The following BANP variants were observed in gnomAD, a reference collection of about 807,000 sequenced individuals.
The protein encoded by BANP is protein BANP.
BANP carries 11 observed loss-of-function variants against 68.1 expected under a neutral mutation model. That is an observed-to-expected ratio of 0.16 (90% CI 0.10 to 0.27). The LOEUF (loss-of-function observed/expected upper bound fraction) is 0.27. BANP is among the 10% of genes least tolerant of loss of function. BANP has a pLI of 1.00. For synonymous variants in BANP, 329 were observed against 303.2 expected (o/e 1.09, Z -0.88); for missense variants, 504 against 722.7 (o/e 0.70, Z 3.47).
At chr16:88,031,083 T>C (rs560631451) in intron 8 of BANP, among the ~76,000 whole-genome samples, 2 of 152,350 alleles carry the variant, frequency 1.3e-5, no homozygotes, top group East Asian at 3.9e-4. Context: ...GCACAAGGCT[T>C]GCTCGAGGAC....
In BANP at chr16:88,064,123, CCAGGGT is replaced by C. The variant is rs879699140; in HGVS notation, c.1312-1138_1312-1133del. 2.0e-5 allele frequency among the ~76,000 whole-genome samples: 3 copies of C among 151,454 alleles called. No homozygotes were observed. Among genetic ancestry groups the C allele is most frequent in the African/African-American group, 7.3e-5 (3 of 41,124 alleles). On this transcript the variant is annotated intron_variant, in intron 11 of 13. Coordinates refer to ENST00000682872, the MANE Select transcript of BANP (RefSeq NM_001386991.1). This position sits in a 1 kb window ranked among gnomAD's most constrained non-coding sequence, Gnocchi z 4.5. ...ACAAGCAGGCACCGGCGCTGGGGGACCAGGGTCAGGGGGCTCTCTTCAGAGACGGCA... is the reference window on the plus strand; with the variant it reads ...ACAAGCAGGCACCGGCGCTGGGGGACCAGGGGGCTCTCTTCAGAGACGGCA...
chr16:88,049,273 G>A (rs112285080), intron 11 of BANP, among the ~76,000 whole-genome samples: 3 of 152,006 alleles, frequency 2.0e-5, no homozygotes, highest in Non-Finnish European at 4.4e-5. Flanking sequence ...GGAGTGGCTT[G>A]CAGAGCTCAG....
intron 7 of BANP, among the ~76,000 whole-genome samples, chr16:88,021,100 G>A (rs1040292922): frequency 3.2e-4 from 49 of 152,326 alleles, no homozygotes; most frequent in African/African-American, 1.2e-3. Context: ...TCTGGAGGCC[G>A]GAGAGGGGAG....
chr16:87,990,523 GT>G (rs768586961), intron 4 of BANP, among the ~76,000 whole-genome samples: 1 of 152,214 alleles, frequency 6.6e-6, no homozygotes, highest in Non-Finnish European at 1.5e-5. Context: ...AGTTTTTTCA[GT>G]TTTGGGTCAT....
chr16:88,055,433 G>C (rs77158619), intron 11 of BANP, among the ~76,000 whole-genome samples: 3,394 of 152,302 alleles, frequency 0.022, 127 homozygotes, highest in African/African-American at 0.078. Flanking sequence ...CTGACGGCAG[G>C]CTTGGTGACC....
chr16:87,978,830 C>T lies in BANP; in HGVS notation c.71-2206C>T, dbSNP rs934289028. ...TCCCAGGCACAGCTGAGACCAGCTGCCCCCATCACACAGCAAGCGTCAGGT... is the reference window on the plus strand; with the variant it reads ...TCCCAGGCACAGCTGAGACCAGCTGTCCCCATCACACAGCAAGCGTCAGGT... On this transcript the variant is annotated intron_variant, in intron 2 of 13. Transcript: ENST00000682872. 5 of 330,798 alleles carry T rather than the reference C, an allele frequency of 1.5e-5. 1 individual carries two copies. The highest frequency in any genetic ancestry group is 2.4e-5 in the Non-Finnish European group (4 of 164,980). 20.5% of individuals were successfully genotyped at this position (330,798 alleles called of 1,614,324 possible). A position where few individuals can be genotyped will look rare whatever the true frequency, so the allele number is the denominator to read the frequency against.
chr16:87,961,564 G>T (rs1450732865), intron 1 of BANP, among the ~76,000 whole-genome samples: 1 of 152,144 alleles, frequency 6.6e-6, no homozygotes, highest in Non-Finnish European at 1.5e-5. Flanking sequence ...AATTAAGCCG[G>T]GCATTAGAAA....
intron 1 of BANP, among the ~76,000 whole-genome samples, chr16:87,959,048 C>T (rs1370231241): frequency 6.6e-6 from 1 of 152,226 alleles, no homozygotes; most frequent in African/African-American, 2.4e-5. Context: ...CCGTGCATGC[C>T]CACAGGGGTG....
At chr16:88,058,919 C>T (rs2085896032) in intron 11 of BANP, among the ~76,000 whole-genome samples, 2 of 152,212 alleles carry the variant, frequency 1.3e-5, no homozygotes, top group African/African-American at 4.8e-5. Context: ...AAAGTGGCCC[C>T]TGCCGGCTTT....
chr16:88,011,170 T>A (rs1454542417), intron 6 of BANP, among the ~76,000 whole-genome samples: 1 of 152,128 alleles, frequency 6.6e-6, no homozygotes, highest in African/African-American at 2.4e-5. Flanking sequence ...TCTCAGCGGC[T>A]TGCGTTGAGT....
In BANP at chr16:88,050,834, C is replaced by T. The variant is rs371046408; in HGVS notation, c.1311+12823C>T. On this transcript the variant is annotated intron_variant, in intron 11 of 13. Coordinates refer to ENST00000682872, the MANE Select transcript of BANP (RefSeq NM_001386991.1). ...TCCCGAGTAGCTGGGACTACAGGTG[C>T]GCACCACCACGACCTGCTAATTTTT... is the stretch of plus-strand genomic sequence containing the variant. Among the ~76,000 whole-genome samples the T allele has an allele frequency of 1.9e-4, 29 of 151,984 alleles. No individual in the cohort carries two copies. In the South Asian group the frequency reaches 4.8e-3, roughly 25 times the overall value.
Position 88,018,577 on chromosome 16 carries a change from C to T in BANP, c.805C>T (p.His269Tyr), listed in dbSNP as rs763583749. The change falls in exon 7 of 14, where the codon CAC becomes TAC. Residue 269 changes from histidine to tyrosine, a missense_variant. Physicochemically the swap from His to Tyr is moderately conservative, Grantham distance 83 (BLOSUM62 2). Transcript: ENST00000682872. The surrounding 1 kb of genome is among the most constrained non-coding windows in gnomAD (Gnocchi z 7.7). Reference protein sequence around the residue: ...MALTLLDYLFHREVQAVSNLS... With the variant: ...MALTLLDYLFYREVQAVSNLS... ...GCTCACGCTGCTGGACTACCTCTTC[C>T]ACCGCGAGGTGCAGGCTGTGTCCAA... The T allele has an allele frequency of 6.2e-7, 1 of 1,609,058 alleles. No homozygotes were observed. The highest frequency in any genetic ancestry group is 1.7e-5 in the Admixed American group (1 of 59,352).
In BANP at chr16:88,036,253, A is replaced by T. The variant is rs2079324009; in HGVS notation, c.1272+859A>T. Among the ~76,000 whole-genome samples the T allele has an allele frequency of 6.6e-6, 1 of 152,210 alleles. No individual in the cohort carries two copies. The highest frequency in any genetic ancestry group is 6.5e-5 in the Admixed American group (1 of 15,286). ...ATGGCACCAGCTTTGTGTTTGGTGC[A>T]TAGTAGTGTGTCGCTGCAAAGATCT... On this transcript the variant is annotated intron_variant, in intron 10 of 13. Coordinates refer to ENST00000682872, the MANE Select transcript of BANP (RefSeq NM_001386991.1). The surrounding 1 kb of genome is among the most constrained non-coding windows in gnomAD (Gnocchi z 4.2).
intron 7 of BANP, among the ~76,000 whole-genome samples, chr16:88,024,059 G>T (rs539100298): frequency 5.9e-5 from 9 of 152,358 alleles, no homozygotes; most frequent in African/African-American, 1.2e-4. Flanking sequence ...CCTGGGCGCT[G>T]CTGCAGGGGA....
At chr16:87,975,469 C>A (rs982512178) in intron 2 of BANP, among the ~76,000 whole-genome samples, 6 of 152,314 alleles carry the variant, frequency 3.9e-5, no homozygotes, top group African/African-American at 1.4e-4. Context: ...CACTCTCTCC[C>A]CTGCCGCGTC....
At chr16:88,068,891 G>A (rs912936652) in intron 12 of BANP, among the ~76,000 whole-genome samples, 7 of 2,854 alleles carry the variant, frequency 2.5e-3, no homozygotes, top group East Asian at 0.17. Context: ...GGGCGCTCTC[G>A]TCCCCAGCCT....
intron 4 of BANP, among the ~76,000 whole-genome samples, chr16:87,990,687 T>C (rs529103245): frequency 1.1e-4 from 17 of 152,366 alleles, no homozygotes; most frequent in African/African-American, 3.8e-4. Flanking sequence ...TTGGTTGCTT[T>C]CGTTTAATTT....
chr16:87,995,910 C>A (rs950586026), intron 4 of BANP, among the ~76,000 whole-genome samples: 3 of 152,236 alleles, frequency 2.0e-5, no homozygotes, highest in Non-Finnish European at 2.9e-5. Flanking sequence ...CCTGCGGTGC[C>A]CGGGGTGCGC....
chr16:87,967,639 T>TTTTTTG, intron 1 of BANP, among the ~76,000 whole-genome samples: 1 of 149,966 alleles, frequency 6.7e-6, no homozygotes, highest in African/African-American at 2.5e-5. Flanking sequence ...TTTTTTTTTT[T>TTTTTTG]GAGATGGAGT....
Sources: gnomAD v4.1 joint callset for allele counts (sites outside exome capture counted in the v4.1 genomes callset) on GRCh38, gnomAD v4.1.1 for gene constraint, Gnocchi (gnomAD v3.1) non-coding constraint, MANE v1.5 for transcripts, NCBI Gene and HGNC (gene_info 2026-07-23, HGNC 2026-07-21) for gene names.